RMST: variants seen among roughly 807,000 people sequenced by gnomAD.
The protein encoded by RMST is long intergenic non-protein coding RNA 54.
chr12:97,521,223 T>C (rs1880472937), intron 10 of RMST, among the ~76,000 whole-genome samples: 1 of 152,162 alleles, frequency 6.6e-6, no homozygotes, highest in African/African-American at 2.4e-5. Flanking sequence ...TTTAACTCTC[T>C]ATGAATCTTC....
chr12:97,552,872 G>T (rs551551980), intron 11 of RMST, among the ~76,000 whole-genome samples: 3 of 152,110 alleles, frequency 2.0e-5, no homozygotes, highest in African/African-American at 4.8e-5. Flanking sequence ...TTGGAAGAAA[G>T]GTCTCCTCAA....
At chr12:97,541,840 A>C (rs989667539) in intron 11 of RMST, among the ~76,000 whole-genome samples, 4 of 151,854 alleles carry the variant, frequency 2.6e-5, no homozygotes, top group Non-Finnish European at 5.9e-5. Flanking sequence ...CTGATTTAAC[A>C]ATTATCTTAA....
At chr12:97,505,005 C>G (rs998312499) in intron 10 of RMST, among the ~76,000 whole-genome samples, 15 of 152,140 alleles carry the variant, frequency 9.9e-5, no homozygotes, top group Non-Finnish European at 1.5e-5. Context: ...TCATTTTAAT[C>G]TTCATGTTAT....
intron 10 of RMST, among the ~76,000 whole-genome samples, chr12:97,521,220 C>G (rs929428467): frequency 2.0e-5 from 3 of 152,048 alleles, no homozygotes; most frequent in African/African-American, 7.2e-5. Flanking sequence ...ATTTTTAACT[C>G]TCTATGAATC....
chr12:97,497,776 G>A (rs1291489791), intron 10 of RMST, among the ~76,000 whole-genome samples: 3 of 151,838 alleles, frequency 2.0e-5, no homozygotes, highest in Admixed American at 2.0e-4. Context: ...CACATATAAT[G>A]TGAATTAGAG....
intron 10 of RMST, among the ~76,000 whole-genome samples, chr12:97,526,585 A>G (rs1386490334): frequency 6.6e-6 from 1 of 152,230 alleles, no homozygotes; most frequent in Admixed American, 6.5e-5. Context: ...AGCAATGGGG[A>G]AAAAATAACC....
intron 10 of RMST, among the ~76,000 whole-genome samples, chr12:97,526,435 TA>T (rs1367302746): frequency 6.6e-6 from 1 of 152,192 alleles, no homozygotes; most frequent in African/African-American, 2.4e-5. Context: ...GGTGACTTTT[TA>T]GATTAGTCTC....
At chr12:97,558,485 C>A (rs1006742024) in intron 11 of RMST, among the ~76,000 whole-genome samples, 3 of 152,086 alleles carry the variant, frequency 2.0e-5, no homozygotes, top group Non-Finnish European at 2.9e-5. Context: ...AGCAGATGTC[C>A]AAAGATATTT....
At chr12:97,489,942 G>C (rs948161949) in intron 5 of RMST, among the ~76,000 whole-genome samples, 2 of 152,188 alleles carry the variant, frequency 1.3e-5, no homozygotes, top group Non-Finnish European at 2.9e-5. Flanking sequence ...ACTTGGAATA[G>C]GTAGCATCAG....
intron 5 of RMST, chr12:97,491,823 G>A: frequency 2.2e-6 from 1 of 457,584 alleles, no homozygotes; most frequent in Non-Finnish European, 4.8e-6. Flanking sequence ...TGTCGTCATG[G>A]GTCATTTTCA....
intron 13 of RMST, among the ~76,000 whole-genome samples, chr12:97,562,175 C>A (rs1400165033): frequency 6.6e-6 from 1 of 152,174 alleles, no homozygotes; most frequent in Non-Finnish European, 1.5e-5. Flanking sequence ...CCCTTCAGTA[C>A]TGATCCAAAG....
At chr12:97,510,663 T>A (rs73384796) in intron 10 of RMST, among the ~76,000 whole-genome samples, 2,638 of 152,302 alleles carry the variant, frequency 0.017, 101 homozygotes, top group African/African-American at 0.061. Context: ...GTTGCCATAA[T>A]CTTTGATCAC....
chr12:97,474,636 A>C (rs997603210), intron 5 of RMST, among the ~76,000 whole-genome samples: 4 of 151,750 alleles, frequency 2.6e-5, no homozygotes, highest in African/African-American at 9.7e-5. Flanking sequence ...AAAAAAAAAA[A>C]AAAAAAAAAC....
intron 10 of RMST, among the ~76,000 whole-genome samples, chr12:97,497,131 C>G (rs1325129657): frequency 1.3e-5 from 2 of 152,088 alleles, no homozygotes; most frequent in South Asian, 2.1e-4. Flanking sequence ...TATGACCATC[C>G]TCTAGATATT....
chr12:97,547,450 T>C (rs1220680804), intron 11 of RMST, among the ~76,000 whole-genome samples: 1 of 152,060 alleles, frequency 6.6e-6, no homozygotes, highest in African/African-American at 2.4e-5. Flanking sequence ...TTATGTTTAA[T>C]ATTTTGAGGA....
At position 97,523,288 on chromosome 12, in the gene RMST, G is replaced by T. The variant is rs770552997; in HGVS notation, n.1341-7367G>T. On this transcript the variant is annotated intron_variant and non_coding_transcript_variant, in intron 10 of 13. Transcript: ENST00000640149. ...AAAATATCTGAAGATTAAAACCTTT[G>T]CCTTTCATTTAAAAACAGCTTTGTA... is the stretch of plus-strand genomic sequence containing the variant. 2.7e-4 allele frequency among the ~76,000 whole-genome samples: 41 copies of T among 152,124 alleles called. 1 individual carries two copies. Among genetic ancestry groups the T allele is most frequent in the Non-Finnish European group, 4.4e-5 (3 of 68,008 alleles).
chr12:97,541,283 C>G (rs760827676), intron 11 of RMST: 3 of 151,682 alleles, frequency 2.0e-5, no homozygotes, highest in Non-Finnish European at 4.4e-5. Context: ...CCTGGTATTA[C>G]TTCAGTGAAA....
intron 10 of RMST, among the ~76,000 whole-genome samples, chr12:97,512,917 G>A (rs1000574072): frequency 1.6e-4 from 25 of 152,322 alleles, no homozygotes; most frequent in African/African-American, 5.1e-4. Flanking sequence ...GCTGCAGGTC[G>A]GGAGCCCTGC....
intron 5 of RMST, chr12:97,492,422 T>G (rs543333157): frequency 1.9e-5 from 3 of 157,776 alleles, no homozygotes; most frequent in Non-Finnish European, 4.2e-5. Flanking sequence ...ATTTGTTTGC[T>G]TGTTGTTTTT....
Sources: gnomAD v4.1 joint callset for allele counts (sites outside exome capture counted in the v4.1 genomes callset) on GRCh38, gnomAD v4.1.1 for gene constraint, MANE v1.5 for transcripts, NCBI Gene and HGNC (gene_info 2026-07-23, HGNC 2026-07-21) for gene names.